The following RELL1 variants were observed in gnomAD, a reference collection of about 807,000 sequenced individuals.
RELL1 encodes the protein RELT-like protein 1.
Under a neutral mutation model 23.0 loss-of-function variants are expected in RELL1, and 10 were observed. The observed-to-expected ratio is 0.43, with a 90% CI of 0.27 to 0.74. RELL1 has a LOEUF of 0.74. RELL1 is among the 30% of genes least tolerant of loss of function. The pLI is 0.19. For missense variants in RELL1, 315 were observed against 364.4 expected (o/e 0.86, Z 1.10); for synonymous variants, 146 against 146.8 (o/e 0.99, Z 0.04).
chr4:37,644,977 C>T (rs946875936), intron 3 of RELL1, among the ~76,000 whole-genome samples: 2 of 152,114 alleles, frequency 1.3e-5, no homozygotes, highest in African/African-American at 4.8e-5. Flanking sequence ...ACACTGGCAA[C>T]TTAGTTAAGT....
chr4:37,667,347 C>G (rs1165041004), intron 1 of RELL1, among the ~76,000 whole-genome samples: 1 of 151,178 alleles, frequency 6.6e-6, no homozygotes, highest in Non-Finnish European at 1.5e-5. Flanking sequence ...TCTATTATTT[C>G]CAGCCCCATT....
downstream of RELL1, among the ~76,000 whole-genome samples, chr4:37,605,777 G>GAGAA (rs1719176168): frequency 8.0e-6 from 1 of 125,310 alleles, no homozygotes; most frequent in Admixed American, 8.9e-5. Context: ...GAGAGAGAGA[G>GAGAA]AGAGAGAGAA....
At chr4:37,648,733 C>A (rs1223235766) in intron 2 of RELL1, among the ~76,000 whole-genome samples, 1 of 152,140 alleles carries the variant, frequency 6.6e-6, no homozygotes, top group Non-Finnish European at 1.5e-5. Flanking sequence ...AACATAAATT[C>A]CAATCACAAA....
At chr4:37,642,981 A>C (rs1720580655) in intron 3 of RELL1, among the ~76,000 whole-genome samples, 1 of 152,202 alleles carries the variant, frequency 6.6e-6, no homozygotes, top group African/African-American at 2.4e-5. Context: ...TGCATCCTCT[A>C]TAACAAGCCA....
chr4:37,649,458 G>A lies in RELL1; in HGVS notation c.131C>T (p.Thr44Ile). The change falls in exon 2 of 7, where the codon ACC becomes ATC. Residue 44 changes from threonine (T) to isoleucine (I), a missense_variant. Thr to Ile is a moderately conservative substitution (Grantham distance 89). Coordinates refer to ENST00000454158, the MANE Select transcript of RELL1 (RefSeq NM_001085400.2). ...CCCAGTATCGTTGCTGGGCGACGGG[G>A]TCGTCTCTGTTCTGGAGTGCAATGT... Reference protein sequence around the residue: ...SRTLHSRTETTPSPSNDTGNG... With the variant: ...SRTLHSRTETIPSPSNDTGNG... 6.2e-7 allele frequency: 1 copy of A among 1,614,088 alleles called. No homozygotes were observed. Among genetic ancestry groups the A allele is most frequent in the Non-Finnish European group, 8.5e-7 (1 of 1,179,924 alleles).
chr4:37,641,933 G>C (rs1720544497), intron 3 of RELL1, among the ~76,000 whole-genome samples: 1 of 152,178 alleles, frequency 6.6e-6, no homozygotes, highest in African/African-American at 2.4e-5. Flanking sequence ...CATTTTACAA[G>C]TATACAGACT....
At chr4:37,680,863 C>T (rs1196206708) in intron 1 of RELL1, among the ~76,000 whole-genome samples, 1 of 141,956 alleles carries the variant, frequency 7.0e-6, no homozygotes, top group Non-Finnish European at 1.5e-5. Flanking sequence ...ACCCTGGAGG[C>T]GGAGCTTGCA....
chr4:37,605,430 G>A (rs1325965055), intron 6 of RELL1, among the ~76,000 whole-genome samples: 1 of 152,104 alleles, frequency 6.6e-6, no homozygotes, highest in African/African-American at 2.4e-5. Flanking sequence ...GATGAACCTG[G>A]AGAATCTTGT....
chr4:37,608,911 A>G (rs1577560889), downstream of RELL1, among the ~76,000 whole-genome samples: 2 of 152,210 alleles, frequency 1.3e-5, no homozygotes, highest in Non-Finnish European at 2.9e-5. Flanking sequence ...GATTACAGGC[A>G]TGAGCCACTG....
downstream of RELL1, among the ~76,000 whole-genome samples, chr4:37,605,926 G>GGAGA (rs975764486): frequency 4.8e-5 from 5 of 103,716 alleles, no homozygotes; most frequent in African/African-American, 1.2e-4. Flanking sequence ...AGGGAGGGAG[G>GGAGA]GAGAGAGAGA....
chr4:37,683,324 C>T (rs1052374962), intron 1 of RELL1, among the ~76,000 whole-genome samples: 2 of 152,234 alleles, frequency 1.3e-5, no homozygotes, highest in Admixed American at 1.3e-4. Context: ...CATACACAGA[C>T]ACCTCCTAGT....
At chr4:37,613,611 C>T (rs574227131) in intron 6 of RELL1, among the ~76,000 whole-genome samples, 19 of 152,208 alleles carry the variant, frequency 1.2e-4, no homozygotes, top group Middle Eastern at 3.4e-3. Context: ...TCTCTTGCTC[C>T]TGCTTTTCCC....
intron 6 of RELL1, among the ~76,000 whole-genome samples, chr4:37,599,301 G>T (rs531914522): frequency 6.6e-6 from 1 of 152,326 alleles, no homozygotes; most frequent in African/African-American, 2.4e-5. Flanking sequence ...CGAGGAGATG[G>T]AAGGAAACCT....
intron 6 of RELL1, among the ~76,000 whole-genome samples, chr4:37,614,638 G>A (rs1719513917): frequency 1.3e-5 from 2 of 148,230 alleles, no homozygotes; most frequent in African/African-American, 5.0e-5. Context: ...AAAAAAGGTA[G>A]AAAGGCCAGA....
intron 6 of RELL1, among the ~76,000 whole-genome samples, chr4:37,604,896 C>T (rs1432566553): frequency 1.4e-5 from 1 of 71,636 alleles, no homozygotes; most frequent in Non-Finnish European, 2.5e-5. Context: ...CAGACACACA[C>T]ACAGACACAC....
intron 1 of RELL1, among the ~76,000 whole-genome samples, chr4:37,670,694 C>A (rs1360634699): frequency 6.6e-6 from 1 of 151,944 alleles, no homozygotes; most frequent in Non-Finnish European, 1.5e-5. Flanking sequence ...TCTCAGCCTC[C>A]CAAGTAGCTG....
chr4:37,631,973 G>A (rs1303935054), intron 5 of RELL1, among the ~76,000 whole-genome samples: 2 of 150,458 alleles, frequency 1.3e-5, no homozygotes, highest in Admixed American at 6.6e-5. Context: ...CAGCTACTCG[G>A]GAGGCTGAAG....
At chr4:37,625,272 A>G (rs568109282) in intron 6 of RELL1, among the ~76,000 whole-genome samples, 2 of 151,950 alleles carry the variant, frequency 1.3e-5, no homozygotes, top group South Asian at 4.1e-4. Context: ...TACTACTAGA[A>G]AAACACATAG....
intron 6 of RELL1, among the ~76,000 whole-genome samples, chr4:37,604,868 C>CACACAG (rs1719134584): frequency 6.9e-5 from 6 of 87,516 alleles, no homozygotes; most frequent in African/African-American, 2.3e-4. Flanking sequence ...CACACACAGA[C>CACACAG]ACACACACAC....
Sources: allele counts gnomAD v4.1 joint callset (sites outside exome capture counted in the v4.1 genomes callset), GRCh38; gene constraint gnomAD v4.1.1; transcripts MANE v1.5; gene names NCBI Gene and HGNC (gene_info 2026-07-23, HGNC 2026-07-21).